The following FANCC variants were observed in gnomAD, a reference collection of about 807,000 sequenced individuals.
FANCC encodes the protein Fanconi anemia group C protein.
A neutral mutation model predicts 71.3 loss-of-function variants in FANCC; 55 were observed. The observed-to-expected ratio is 0.77, with a 90% CI of 0.62 to 0.97. FANCC has a LOEUF of 0.97. Ranked by LOEUF, FANCC falls within the 50% of genes least tolerant of loss-of-function variation. The pLI, the probability that FANCC is intolerant of heterozygous loss-of-function variation, is 0.00. For missense variants in FANCC, 678 were observed against 670.9 expected, an observed-to-expected ratio of 1.01 and a Z score of -0.12; for synonymous variants, 275 against 244.9, an observed-to-expected ratio of 1.12 and a Z score of -1.15.
intron 13 of FANCC, chr9:95,110,276 G>C: frequency 9.9e-7 from 1 of 1,011,258 alleles, no homozygotes; most frequent in East Asian, 6.9e-5. Flanking sequence ...GTGATTCTCT[G>C]TCAGTAACCT....
chr9:95,111,683 C>T, intron 12 of FANCC, 46 bp from the exon 13 acceptor site: 15 of 1,612,112 alleles, frequency 9.3e-6, no homozygotes, highest in South Asian at 3.3e-5. Context: ...CTAAATTCTT[C>T]TTCCTTTGGG....
chr9:95,210,974 A>T (rs1828458344), intron 4 of FANCC, among the ~76,000 whole-genome samples: 2 of 152,184 alleles, frequency 1.3e-5, no homozygotes, highest in East Asian at 3.8e-4. Context: ...CTCTAACACT[A>T]CTTAAAAATT....
chr9:95,221,510 CAAATCAGGAA>C (rs1829267813), intron 4 of FANCC, among the ~76,000 whole-genome samples: 1 of 151,850 alleles, frequency 6.6e-6, no homozygotes, highest in Admixed American at 6.6e-5. Flanking sequence ...AACAAAATGA[CAAATCAGGAA>C]AATTTTTAAA....
intron 1 of FANCC, among the ~76,000 whole-genome samples, chr9:95,289,263 A>G (rs1833869762): frequency 6.6e-6 from 1 of 152,210 alleles, no homozygotes; most frequent in Non-Finnish European, 1.5e-5. Context: ...GCTCAGAAGC[A>G]CATATAATTC....
chr9:95,293,507 TA>T (rs1288646835), intron 1 of FANCC: 108 of 1,590,404 alleles, frequency 6.8e-5, no homozygotes, highest in Non-Finnish European at 9.2e-5. Context: ...TGAACTTGGG[TA>T]AAAGTCCATC....
At chr9:95,132,747 A>G (rs891872931) in intron 8 of FANCC, among the ~76,000 whole-genome samples, 4 of 152,240 alleles carry the variant, frequency 2.6e-5, no homozygotes, top group Non-Finnish European at 4.4e-5. Flanking sequence ...CTCATTATTC[A>G]TGGTCTTAAT....
At chr9:95,295,009 T>C (rs1301156938) in intron 1 of FANCC, among the ~76,000 whole-genome samples, 1 of 152,058 alleles carries the variant, frequency 6.6e-6, no homozygotes, top group Non-Finnish European at 1.5e-5. Flanking sequence ...TTTGAGATGT[T>C]GATCTAAAAA....
chr9:95,135,722 A>G (rs983225990), intron 7 of FANCC, among the ~76,000 whole-genome samples: 28 of 152,216 alleles, frequency 1.8e-4, no homozygotes, highest in Non-Finnish European at 2.4e-4. Flanking sequence ...AGAAATCAGA[A>G]ATGCTCAGGA....
chr9:95,136,742 C>T (rs1827756969), intron 7 of FANCC, among the ~76,000 whole-genome samples: 1 of 152,182 alleles, frequency 6.6e-6, no homozygotes, highest in African/African-American at 2.4e-5. Context: ...CCTTGGCCTC[C>T]CAAAATGTTG....
intron 1 of FANCC, among the ~76,000 whole-genome samples, chr9:95,302,071 G>C (rs1281805267): frequency 8.9e-6 from 1 of 112,614 alleles, no homozygotes; most frequent in Non-Finnish European, 1.7e-5. Flanking sequence ...GACAGAGTGA[G>C]ACTCCATCTC....
chr9:95,164,843 C>T (rs1830972560), intron 6 of FANCC, among the ~76,000 whole-genome samples: 2 of 152,216 alleles, frequency 1.3e-5, no homozygotes, highest in South Asian at 4.1e-4. Context: ...TTTTGGAAGA[C>T]TTTAAGAAAG....
intron 6 of FANCC, among the ~76,000 whole-genome samples, chr9:95,155,268 A>AGGGGAG (rs1248760415): frequency 3.5e-5 from 2 of 57,834 alleles, no homozygotes; most frequent in Non-Finnish European, 6.6e-5. Context: ...AGGGGAGGGG[A>AGGGGAG]GGAAAGGGGA....
At chr9:95,115,612 G>C (rs4647526) in intron 11 of FANCC, among the ~76,000 whole-genome samples, 20 of 152,208 alleles carry the variant, frequency 1.3e-4, no homozygotes, top group Admixed American at 2.6e-4. Context: ...TGAGCAGCAC[G>C]TATCTGCAGT....
chr9:95,184,229 T>C (rs1826567724), intron 4 of FANCC, among the ~76,000 whole-genome samples: 1 of 152,196 alleles, frequency 6.6e-6, no homozygotes, highest in Admixed American at 6.5e-5. Flanking sequence ...TATGTTATTA[T>C]ACTGGAATTG....
intron 2 of FANCC, among the ~76,000 whole-genome samples, chr9:95,248,286 C>G (rs1026345120): frequency 6.6e-6 from 1 of 152,182 alleles, no homozygotes; most frequent in Non-Finnish European, 1.5e-5. Context: ...CAAAACATCT[C>G]TCACATGTGT....
chr9:95,141,147 C>T (rs1192129970), intron 7 of FANCC, among the ~76,000 whole-genome samples: 1 of 151,150 alleles, frequency 6.6e-6, no homozygotes, highest in Admixed American at 6.6e-5. Flanking sequence ...CAGTCTCTAC[C>T]AGAAATACAA....
At chr9:95,203,468 G>A (rs536914631) in intron 4 of FANCC, among the ~76,000 whole-genome samples, 1 of 150,894 alleles carries the variant, frequency 6.6e-6, no homozygotes, top group African/African-American at 2.4e-5. Context: ...CATTTTATAT[G>A]CTCACTTGGC....
chr9:95,244,569 C>T (rs1450187551), intron 3 of FANCC, among the ~76,000 whole-genome samples: 1 of 150,288 alleles, frequency 6.7e-6, no homozygotes, highest in Non-Finnish European at 1.5e-5. Flanking sequence ...GTCCCAGCTA[C>T]TCAGGAGGCT....
Position 95,241,236 on chromosome 9 carries a change from C to T in FANCC, c.251-493G>A, listed in dbSNP as rs1312265108. 4.6e-5 allele frequency among the ~76,000 whole-genome samples: 7 copies of T among 152,170 alleles called. No homozygotes were observed. In the South Asian group the frequency reaches 1.2e-3, roughly 27 times the overall value. The stretch of plus-strand genomic sequence containing the variant: ...TTAATCTTTTAATTTTTTAATTTGC[C>T]AAAATAGCTCCACTTGTTAAAAAGA... On this transcript the variant is annotated intron_variant, in intron 3 of 14. Coordinates refer to ENST00000289081, the MANE Select transcript of FANCC (RefSeq NM_000136.3).
Sources: gnomAD v4.1 joint callset for allele counts (sites outside exome capture counted in the v4.1 genomes callset) on GRCh38, gnomAD v4.1.1 for gene constraint, MANE v1.5 for transcripts, NCBI Gene and HGNC (gene_info 2026-07-23, HGNC 2026-07-21) for gene names.